Variants in VCP observed in about 807,000 individuals in gnomAD.
VCP encodes the protein transitional endoplasmic reticulum ATPase.
In VCP, 6 loss-of-function variants were observed where a neutral mutation model predicts 85.7. The ratio of observed to expected loss-of-function variants is 0.07; its 90% CI spans 0.04 to 0.14. The LOEUF (loss-of-function observed/expected upper bound fraction) is 0.14, where lower values mean the gene tolerates loss of function less well. Ranked by LOEUF, VCP falls within the 10% of genes least tolerant of loss-of-function variation. The pLI is 1.00. For synonymous variants in VCP, 384 were observed against 367.1 expected, an observed-to-expected ratio of 1.05 and a Z score of -0.53; for missense variants, 353 against 1,043.4, an observed-to-expected ratio of 0.34 and a Z score of 9.12.
At chr9:35,071,799 T>G in intron 1 of VCP, 1 of 988,576 alleles carries the variant, frequency 1.0e-6, no homozygotes, top group South Asian at 4.5e-5. Context: ...GGCTGTGAGC[T>G]TCCCTGAGCT....
intron 3 of VCP, among the ~76,000 whole-genome samples, chr9:35,067,281 T>C (rs1828852557): frequency 6.6e-6 from 1 of 152,184 alleles, no homozygotes; most frequent in African/African-American, 2.4e-5. Context: ...ATCAAAAGCC[T>C]GAGATGATCC....
At chr9:35,069,102 G>A (rs1158187952) in intron 1 of VCP, among the ~76,000 whole-genome samples, 1 of 152,114 alleles carries the variant, frequency 6.6e-6, no homozygotes, top group Non-Finnish European at 1.5e-5. Context: ...ACTGATGCCA[G>A]GGCATTCCAT....
intron 7 of VCP, among the ~76,000 whole-genome samples, chr9:35,062,568 T>TG (rs1210633912): frequency 6.6e-6 from 1 of 152,076 alleles, no homozygotes; most frequent in Non-Finnish European, 1.5e-5. Context: ...TTCTCACAGT[T>TG]GAACTGTAAA....
chr9:35,067,965 A>C lies in VCP; in HGVS notation c.228T>G (p.Thr76=). 3 of 1,614,260 alleles carry C rather than the reference A, an allele frequency of 1.9e-6. No homozygotes were observed. The highest frequency in any genetic ancestry group is 1.7e-6 in the Non-Finnish European group (2 of 1,180,050). Residue 76 remains threonine (T), a synonymous_variant, in exon 3 of 17, where the codon ACT becomes ACG. Transcript: ENST00000358901. The stretch of plus-strand genomic sequence containing the variant: ...TCATCCGAATCTTCTCATCAGAACA[A>C]GTATCATCAGAAAGGACGATGCAAA... ...EAVCIVLSDD[T]CSDEKIRMNR...
chr9:35,061,717 G>C (rs1207897152), intron 9 of VCP, 28 bp from the exon 10 acceptor site: 2 of 546,088 alleles, frequency 3.7e-6, no homozygotes, highest in Admixed American at 7.9e-5. Context: ...AACATAAACA[G>C]GGCTCATCTC....
rs536172113 is a variant in VCP at position 35,059,373 on chromosome 9, T to C, written c.2004+120A>G. 7.8e-6 allele frequency: 12 copies of C among 1,531,580 alleles called. No homozygotes were observed. The highest frequency in any genetic ancestry group is 2.0e-4 in the Middle Eastern group (1 of 5,080). 94.9% of individuals were successfully genotyped at this position (1,531,580 alleles called of 1,614,324 possible). A position where few individuals can be genotyped will look rare whatever the true frequency, so the allele number is the denominator to read the frequency against. On this transcript the variant is annotated intron_variant, in intron 14 of 16. Transcript: ENST00000358901. The surrounding 1 kb of genome is among the most constrained non-coding windows in gnomAD (Gnocchi z 4.9). ...TAGATTATCTTGATATCCTCAAAAA[T>C]TCTACCTTCCCTTTAGACCAACCCT...
Position 35,062,376 on chromosome 9 carries a change from T to A in VCP, c.812-26A>T, listed in dbSNP as rs529726543. The A allele has an allele frequency of 3.1e-6, 5 of 1,613,918 alleles. No homozygotes were observed. The South Asian group carries it at 5.5e-5, about 18-fold the overall frequency. On this transcript the variant is annotated intron_variant, in intron 7 of 16. Coordinates refer to ENST00000358901, the MANE Select transcript of VCP (RefSeq NM_007126.5). The stretch of plus-strand genomic sequence containing the variant: ...CTGAAAGGATACAGAATGGAGACAA[T>A]AACAAAATGATAGTCTTTCCCAATT...
intron 15 of VCP, chr9:35,057,773 T>C: frequency 1.7e-6 from 1 of 575,048 alleles, no homozygotes; most frequent in Non-Finnish European, 3.1e-6. Context: ...GGAGGGGAGA[T>C]GTTGACTGAA....
At chr9:35,070,168 C>G (rs1029794769) in intron 1 of VCP, among the ~76,000 whole-genome samples, 1 of 152,184 alleles carries the variant, frequency 6.6e-6, no homozygotes, top group African/African-American at 2.4e-5. Flanking sequence ...TAGTTTCTAA[C>G]GACAGTTTCC....
At chr9:35,064,868 C>A (rs568982082) in intron 5 of VCP, among the ~76,000 whole-genome samples, 1 of 152,160 alleles carries the variant, frequency 6.6e-6, no homozygotes, top group East Asian at 1.9e-4. Context: ...CAAAGAACAC[C>A]CAGTCTTTTT....
In VCP at chr9:35,071,308, T is replaced by G. The variant is rs1026038533; in HGVS notation, c.17+1029A>C. On this transcript the variant is annotated intron_variant, in intron 1 of 16. Transcript: ENST00000358901. ...GGCTGGCTGTGTTTTTTTTTTTTTT[T>G]TTTTTTTTTTTTTTGCCTCTAAAAG... 7.7e-5 allele frequency among the ~76,000 whole-genome samples: 11 copies of G among 143,572 alleles called. 1 individual carries two copies. The highest frequency in any genetic ancestry group is 3.2e-3 in the Middle Eastern group (1 of 312). 94.2% of individuals were successfully genotyped at this position (143,572 alleles called of 152,430 possible).
At chr9:35,063,172 C>A in intron 6 of VCP, 92 bp from the exon 7 acceptor site, 1 of 1,121,992 alleles carries the variant, frequency 8.9e-7, no homozygotes, top group Non-Finnish European at 1.4e-6. Flanking sequence ...GAGAATCAGG[C>A]TTCAACCCTG....
intron 6 of VCP, 21 bp downstream of exon 6, chr9:35,064,133 T>C: frequency 6.2e-7 from 1 of 1,614,058 alleles, no homozygotes; most frequent in East Asian, 2.2e-5. Context: ...TAGACTTGAT[T>C]CCAGAGCCCA....
In VCP at chr9:35,062,133, A is replaced by G. The variant is rs751230057; in HGVS notation, c.951T>C (p.His317=). The G allele has an allele frequency of 1.5e-5, 24 of 1,614,156 alleles. No individual in the cohort carries two copies. In the South Asian group the frequency reaches 2.3e-4, roughly 16 times the overall value. The change falls in exon 9 of 17, where the codon CAT becomes CAC. Residue 317 remains histidine (H), a synonymous_variant. Coordinates refer to ENST00000358901, the MANE Select transcript of VCP (RefSeq NM_007126.5). The part of the protein sequence containing the change: ...DAIAPKREKT[H]GEVERRIVSQ... Reference sequence around the variant, plus strand: ...ATACAATGCGCCGCTCCACCTCGCCATGAGTCTGCCAGAACAGGATGTCTG... The same window carrying G: ...ATACAATGCGCCGCTCCACCTCGCCGTGAGTCTGCCAGAACAGGATGTCTG...
chr9:35,061,242 G>C, intron 10 of VCP, 63 bp from the exon 11 acceptor site: 1 of 1,605,922 alleles, frequency 6.2e-7, no homozygotes, highest in East Asian at 2.2e-5. Flanking sequence ...GAGGCTCAGA[G>C]ACAATAGAAT....
chr9:35,060,388 G>A lies in VCP; in HGVS notation c.1620C>T (p.Ile540=). 1.2e-6 allele frequency: 2 copies of A among 1,614,236 alleles called. No individual in the cohort carries two copies. The highest frequency in any genetic ancestry group is 1.7e-6 in the Non-Finnish European group (2 of 1,180,042). ...TGAGCAGCTCAGGACCCTTGATGGA[G>A]ATGAAGTTGGCCTGGCATTCATTAG... The part of the protein sequence containing the change: ...AIANECQANF[I]SIKGPELLTM... The change falls in exon 13 of 17, where the codon ATC becomes ATT. Residue 540 remains isoleucine (I), a synonymous_variant. Transcript: ENST00000358901.
At chr9:35,071,736 TCA>T (rs1332091908) in intron 1 of VCP, 4 of 988,164 alleles carry the variant, frequency 4.0e-6, no homozygotes, top group East Asian at 2.3e-4. Context: ...ACGACTCAGG[TCA>T]CACACAGAGG....
chr9:35,061,886 G>A, intron 9 of VCP, 117 bp downstream of exon 9: 1 of 1,577,614 alleles, frequency 6.3e-7, no homozygotes, highest in Non-Finnish European at 8.7e-7. Flanking sequence ...TAGGGTAAAG[G>A]AAAAAGACCC....
At chr9:35,057,880 G>T in intron 15 of VCP, 2 of 373,608 alleles carry the variant, frequency 5.4e-6, no homozygotes, top group Non-Finnish European at 5.1e-6. Flanking sequence ...GCATGGAAAT[G>T]GTATATAGAA....
Sources: gnomAD v4.1 joint callset for allele counts (sites outside exome capture counted in the v4.1 genomes callset) on GRCh38, gnomAD v4.1.1 for gene constraint, Gnocchi (gnomAD v3.1) non-coding constraint, MANE v1.5 for transcripts, NCBI Gene and HGNC (gene_info 2026-07-23, HGNC 2026-07-21) for gene names.